The following PRKD1 variants were observed in gnomAD, a reference collection of about 807,000 sequenced individuals.
The protein encoded by PRKD1 is serine/threonine-protein kinase D1.
PRKD1 carries 63 observed loss-of-function variants against 95.9 expected under a neutral mutation model. That is an observed-to-expected ratio of 0.66 (90% CI 0.54 to 0.81). The LOEUF (loss-of-function observed/expected upper bound fraction) is 0.81, where lower values mean the gene tolerates loss of function less well. Ranked by LOEUF, PRKD1 falls within the 30% of genes least tolerant of loss-of-function variation. PRKD1 has a pLI of 0.00. For synonymous variants in PRKD1, 425 were observed against 423.1 expected (o/e 1.00, Z -0.05); for missense variants, 1,048 against 1,165.3 (o/e 0.90, Z 1.47).
At chr14:29,642,519 C>T (rs1202558687) in intron 4 of PRKD1, among the ~76,000 whole-genome samples, 1 of 151,976 alleles carries the variant, frequency 6.6e-6, no homozygotes, top group Non-Finnish European at 1.5e-5. Flanking sequence ...GATAGCAATT[C>T]GAATCATAAT....
intron 1 of PRKD1, among the ~76,000 whole-genome samples, chr14:29,841,437 C>A (rs1259010552): frequency 6.6e-6 from 1 of 152,156 alleles, no homozygotes; most frequent in East Asian, 1.9e-4. Context: ...GTGGGAAGAA[C>A]CCATTGGGGG....
chr14:29,609,343 G>A (rs1421741985), intron 13 of PRKD1, among the ~76,000 whole-genome samples: 1 of 152,016 alleles, frequency 6.6e-6, no homozygotes, highest in African/African-American at 2.4e-5. Flanking sequence ...AGCTTATAAT[G>A]CACAATGCAT....
chr14:29,657,016 C>T (rs1387662233), intron 4 of PRKD1, among the ~76,000 whole-genome samples: 1 of 152,146 alleles, frequency 6.6e-6, no homozygotes, highest in Non-Finnish European at 1.5e-5. Context: ...TCAGTGGTTT[C>T]CAAACCTAGA....
rs11365023 is a variant in PRKD1, at chr14:29,578,484, CAA to C, written c.2435-126_2435-125del. 2,301 of 261,892 alleles carry C rather than the reference CAA, an allele frequency of 8.8e-3. 3 individuals carry two copies. Among genetic ancestry groups the C allele is most frequent in the Middle Eastern group, 0.017 (13 of 760 alleles). 16.2% of individuals were successfully genotyped at this position (261,892 alleles called of 1,614,324 possible). On this transcript the variant is annotated intron_variant, in intron 16 of 17. Transcript: ENST00000331968. ...CAGCATAGTGACAAGGCACTAGAAC[CAA>C]AAAAAAAAATCCTCTTAAGAATACT...
chr14:29,658,448 A>T (rs907657253), intron 4 of PRKD1, among the ~76,000 whole-genome samples: 1 of 152,186 alleles, frequency 6.6e-6, no homozygotes, highest in Non-Finnish European at 1.5e-5. Flanking sequence ...CAAAATTTGG[A>T]TGAACCAAGA....
At chr14:29,912,551 T>A (rs936481705) in intron 1 of PRKD1, among the ~76,000 whole-genome samples, 3 of 152,212 alleles carry the variant, frequency 2.0e-5, no homozygotes, top group Non-Finnish European at 2.9e-5. Context: ...ACATATCTGC[T>A]TCACCCAGAC....
At chr14:29,789,230 C>G (rs1889420634) in intron 1 of PRKD1, among the ~76,000 whole-genome samples, 1 of 152,202 alleles carries the variant, frequency 6.6e-6, no homozygotes. Flanking sequence ...ATCTTTTAGG[C>G]ATTTCATAGA....
Position 29,892,075 on chromosome 14 carries a change from T to C in PRKD1, c.264+35174A>G, listed in dbSNP as rs2067486. ...TTACTAACTTTCATCAAGCCTTATG[T>C]CCTCTCAATACATGAAGGATTTTTT... On this transcript the variant is annotated intron_variant, in intron 1 of 17. Coordinates refer to ENST00000331968, the MANE Select transcript of PRKD1 (RefSeq NM_002742.3). Among the ~76,000 whole-genome samples the C allele has an allele frequency of 9.4e-4, 143 of 152,322 alleles. 3 individuals are homozygous for C. Among genetic ancestry groups the C allele is most frequent in the African/African-American group, 3.3e-3 (138 of 41,582 alleles).
chr14:29,674,239 G>A (rs1883028600), intron 2 of PRKD1, among the ~76,000 whole-genome samples: 1 of 152,026 alleles, frequency 6.6e-6, no homozygotes, highest in Non-Finnish European at 1.5e-5. Context: ...AAAACTAAGG[G>A]CTATAAAAAC....
intron 17 of PRKD1, among the ~76,000 whole-genome samples, chr14:29,577,868 G>C (rs750808414): frequency 1.3e-5 from 2 of 152,062 alleles, no homozygotes; most frequent in African/African-American, 4.8e-5. Context: ...TAATAACCTA[G>C]CATTTAAAAA....
At position 29,747,245 on chromosome 14, in the gene PRKD1, C is replaced by T. The variant is rs537868093; in HGVS notation, c.265-21571G>A. ...AAATTAAAATTTTAAAAATAAGGTA[C>T]CCATTAACAGTGCTAGGATGGCTCT... On this transcript the variant is annotated intron_variant, in intron 1 of 17. Coordinates refer to ENST00000331968, the MANE Select transcript of PRKD1 (RefSeq NM_002742.3). Among the ~76,000 whole-genome samples the T allele has an allele frequency of 2.0e-4, 30 of 152,036 alleles. No individual in the cohort carries two copies. In the South Asian group the frequency reaches 4.8e-3, roughly 24 times the overall value.
At chr14:29,884,286 C>T (rs6571324) in intron 1 of PRKD1, among the ~76,000 whole-genome samples, 59,804 of 151,784 alleles carry the variant, frequency 0.39, 12,255 homozygotes, top group African/African-American at 0.51. Flanking sequence ...TATAACAATA[C>T]CTCAAATTGA....
chr14:29,886,917 G>A lies in PRKD1; in HGVS notation c.264+40332C>T, dbSNP rs145790358. Reference sequence around the variant, plus strand: ...AAAACATGAATTGTAATTGTTCTTCGTCCTTTGATGGTAGGTGCTGTCATT... The same window carrying A: ...AAAACATGAATTGTAATTGTTCTTCATCCTTTGATGGTAGGTGCTGTCATT... On this transcript the variant is annotated intron_variant, in intron 1 of 17. Transcript: ENST00000331968. 6.9e-3 allele frequency among the ~76,000 whole-genome samples: 1,050 copies of A among 152,200 alleles called. 6 individuals are homozygous for A. Among genetic ancestry groups the A allele is most frequent in the Non-Finnish European group, 0.01 (711 of 68,006 alleles).
intron 1 of PRKD1, among the ~76,000 whole-genome samples, chr14:29,743,850 C>T (rs1887094192): frequency 6.6e-6 from 1 of 152,154 alleles, no homozygotes; most frequent in Non-Finnish European, 1.5e-5. Flanking sequence ...GTGGATCACT[C>T]CCTCTTTCAA....
At chr14:29,705,009 G>A (rs776424464) in intron 2 of PRKD1, among the ~76,000 whole-genome samples, 48 of 152,144 alleles carry the variant, frequency 3.2e-4, no homozygotes, top group Non-Finnish European at 5.3e-4. Flanking sequence ...ACTTTAGATT[G>A]CTCTGCCCTG....
intron 1 of PRKD1, among the ~76,000 whole-genome samples, chr14:29,762,310 T>C (rs1279327949): frequency 1.3e-5 from 2 of 152,082 alleles, no homozygotes; most frequent in Non-Finnish European, 2.9e-5. Flanking sequence ...TACTATAGAC[T>C]CTTGAACTCC....
chr14:29,609,511 C>CACACACAA (rs1555327749), intron 13 of PRKD1, among the ~76,000 whole-genome samples: 2 of 143,854 alleles, frequency 1.4e-5, no homozygotes, highest in African/African-American at 5.5e-5. Context: ...TGCGTGCACA[C>CACACACAA]ACACACACAC....
intron 14 of PRKD1, 106 bp from the exon 15 acceptor site, chr14:29,599,231 C>G: frequency 1.1e-6 from 1 of 927,048 alleles, no homozygotes; most frequent in Non-Finnish European, 1.7e-6. Flanking sequence ...ATTCAAATTT[C>G]TTTATGTTAA....
At chr14:29,882,953 T>C (rs914547045) in intron 1 of PRKD1, among the ~76,000 whole-genome samples, 5 of 152,220 alleles carry the variant, frequency 3.3e-5, no homozygotes, top group African/African-American at 1.2e-4. Flanking sequence ...GCTACTGTAT[T>C]ACGTTGTTCT....
Sources: allele counts gnomAD v4.1 joint callset (sites outside exome capture counted in the v4.1 genomes callset), GRCh38; gene constraint gnomAD v4.1.1; transcripts MANE v1.5; gene names NCBI Gene and HGNC (gene_info 2026-07-23, HGNC 2026-07-21).